PPP6C: variants seen among roughly 807,000 people sequenced by gnomAD.
The protein encoded by PPP6C is serine/threonine-protein phosphatase 6 catalytic subunit.
In PPP6C, 11 loss-of-function variants were observed where a neutral mutation model predicts 39.8. The ratio of observed to expected loss-of-function variants is 0.28; its 90% CI spans 0.17 to 0.46. PPP6C has a LOEUF of 0.46. PPP6C is among the 20% of genes least tolerant of loss of function. The probability of loss-of-function intolerance (pLI) is 1.00; values close to 1 mark genes in which losing one functional copy is unlikely to be tolerated. For synonymous variants in PPP6C, 129 were observed against 130.3 expected, an observed-to-expected ratio of 0.99 and a Z score of 0.07; for missense variants, 211 against 373.9, an observed-to-expected ratio of 0.56 and a Z score of 3.59.
chr9:125,170,532 C>T (rs910897100), intron 2 of PPP6C, among the ~76,000 whole-genome samples: 1 of 152,026 alleles, frequency 6.6e-6, no homozygotes, highest in South Asian at 2.1e-4. Flanking sequence ...CCACCACGCC[C>T]GGCACTGCTT....
chr9:125,165,281 C>T (rs1256291036), intron 2 of PPP6C, among the ~76,000 whole-genome samples: 3 of 151,954 alleles, frequency 2.0e-5, no homozygotes, highest in Non-Finnish European at 4.4e-5. Flanking sequence ...CACCTGTAAT[C>T]CCAGCTACTT....
intron 3 of PPP6C, among the ~76,000 whole-genome samples, chr9:125,158,850 A>G (rs1564148457): frequency 2.6e-5 from 4 of 151,478 alleles, no homozygotes; most frequent in African/African-American, 4.9e-5. Flanking sequence ...TTTTTTGTAG[A>G]GACGGGGGTT....
chr9:125,181,589 C>T (rs901728607), intron 1 of PPP6C, among the ~76,000 whole-genome samples: 2 of 152,008 alleles, frequency 1.3e-5, no homozygotes, highest in African/African-American at 4.8e-5. Flanking sequence ...TGCGGTGTTT[C>T]GTTTTCTGTT....
rs550930202 is a variant in PPP6C, at chr9:125,189,783, G to C, written c.-65C>G. The C allele has an allele frequency of 2.0e-6, 3 of 1,525,076 alleles. No homozygotes were observed. The highest frequency in any genetic ancestry group is 4.3e-5 in the Admixed American group (2 of 46,898). 94.5% of individuals were successfully genotyped at this position (1,525,076 alleles called of 1,614,324 possible). On this transcript the variant is annotated 5_prime_UTR_variant, in exon 1 of 7. Transcript: ENST00000373547. ...CTGTAGCAGCGGCGGCGGCAGCGGC[G>C]GAGGCCGAAGCCGGAACTTTCCCTG...
At chr9:125,163,386 T>G (rs1389836328) in intron 2 of PPP6C, among the ~76,000 whole-genome samples, 1 of 152,000 alleles carries the variant, frequency 6.6e-6, no homozygotes, top group East Asian at 1.9e-4. Context: ...GGTAGAAGAG[T>G]GAGTATCCTT....
chr9:125,177,035 T>G lies in PPP6C; in HGVS notation c.76-5855A>C, dbSNP rs529011552. On this transcript the variant is annotated intron_variant, in intron 1 of 6. Coordinates refer to ENST00000373547, the MANE Select transcript of PPP6C (RefSeq NM_002721.5). ...TTTTTTACCCCTGTAAATAGACTATTTTTTAGAGCAGTTTTAGCTTCACAG... is the reference window on the plus strand; with the variant it reads ...TTTTTTACCCCTGTAAATAGACTATGTTTTAGAGCAGTTTTAGCTTCACAG... Among the ~76,000 whole-genome samples the G allele has an allele frequency of 1.2e-4, 18 of 152,298 alleles. 1 individual carries two copies. In the South Asian group the frequency reaches 3.3e-3, roughly 28 times the overall value.
intron 5 of PPP6C, 42 bp downstream of exon 5, chr9:125,153,864 A>G (rs1485810085): frequency 6.5e-7 from 1 of 1,543,824 alleles, no homozygotes; most frequent in East Asian, 2.2e-5. Flanking sequence ...GCAATGTGTT[A>G]TTGGCAGGAA....
intron 1 of PPP6C, among the ~76,000 whole-genome samples, chr9:125,173,534 C>G (rs1418923027): frequency 6.6e-6 from 1 of 151,580 alleles, no homozygotes; most frequent in Admixed American, 6.6e-5. Context: ...ACCGAGGTCG[C>G]GCCACTGCAC....
intron 2 of PPP6C, among the ~76,000 whole-genome samples, chr9:125,165,295 A>G (rs1392294474): frequency 6.6e-6 from 1 of 152,076 alleles, no homozygotes; most frequent in Non-Finnish European, 1.5e-5. Context: ...GCTACTTGGG[A>G]GGCTGAGGCA....
chr9:125,151,440 T>C, intron 6 of PPP6C: 1 of 822,078 alleles, frequency 1.2e-6, no homozygotes, highest in Non-Finnish European at 2.2e-6. Context: ...TTTAAAGCAG[T>C]AGTAGTCACC....
chr9:125,157,061 T>C (rs1013370086), intron 4 of PPP6C, among the ~76,000 whole-genome samples: 37 of 152,126 alleles, frequency 2.4e-4, no homozygotes, highest in African/African-American at 8.9e-4. Flanking sequence ...ACATGTGTCA[T>C]GTTGGTGTGC....
rs1490010902 is a variant in PPP6C, at chr9:125,147,430, C to T, written c.*2243G>A. ...TCTATATAGTACATATAGTACATAG[C>T]CCTTATTTATTGGAGGGATCCAAAA... On this transcript the variant is annotated 3_prime_UTR_variant, in exon 7 of 7. Transcript: ENST00000373547. 6.6e-6 allele frequency: 1 copy of T among 152,164 alleles called. No individual in the cohort carries two copies. The highest frequency in any genetic ancestry group is 1.5e-5 in the Non-Finnish European group (1 of 68,024). 9.4% of individuals were successfully genotyped at this position (152,164 alleles called of 1,614,324 possible).
rs758123351 is a variant in PPP6C, at chr9:125,167,379, CAA to C, written c.171+3704_171+3705del. ...TTGGGTGACAGAGCGAGACCCTGTCCAAAAAAAAAAAAAAAAAAAAGAAATAA... is the reference window on the plus strand; with the variant it reads ...TTGGGTGACAGAGCGAGACCCTGTCCAAAAAAAAAAAAAAAAAAGAAATAA... On this transcript the variant is annotated intron_variant, in intron 2 of 6. Coordinates refer to ENST00000373547, the MANE Select transcript of PPP6C (RefSeq NM_002721.5). Among the ~76,000 whole-genome samples, 10 of 56,084 alleles carry C rather than the reference CAA, an allele frequency of 1.8e-4. 1 individual carries two copies. The highest frequency in any genetic ancestry group is 5.3e-4 in the African/African-American group (7 of 13,096). The allele number at this position is 56,084 out of a possible 152,430, so 36.8% of individuals were successfully genotyped here.
In PPP6C at chr9:125,189,769, G is replaced by A. The variant is rs775731533; in HGVS notation, c.-51C>T. On this transcript the variant is annotated 5_prime_UTR_variant, in exon 1 of 7. Transcript: ENST00000373547. ...AGCGGCGGCGGCGGCTGTAGCAGCG[G>A]CGGCGGCAGCGGCGGAGGCCGAAGC... The A allele has an allele frequency of 2.9e-5, 44 of 1,536,016 alleles. No homozygotes were observed. In the Middle Eastern group the frequency reaches 7.4e-4, roughly 26 times the overall value.
Position 125,163,870 on chromosome 9 carries a change from G to A in PPP6C, c.172-2964C>T, listed in dbSNP as rs1158824789. ...ATTCTTTTTTTTTTTTTTTTGAGAC[G>A]GAGTTTCGTTCTTGTTGTCCAGGCT... On this transcript the variant is annotated intron_variant, in intron 2 of 6. Transcript: ENST00000373547. 9.6e-5 allele frequency among the ~76,000 whole-genome samples: 14 copies of A among 145,732 alleles called. No homozygotes were observed. In the East Asian group the frequency reaches 1.0e-3, roughly 11 times the overall value.
chr9:125,174,374 C>A (rs1829249713), intron 1 of PPP6C, among the ~76,000 whole-genome samples: 1 of 150,164 alleles, frequency 6.7e-6, no homozygotes, highest in Admixed American at 6.6e-5. Flanking sequence ...TGTTAATTTC[C>A]TAAACATTAT....
At chr9:125,164,117 A>G (rs1828957396) in intron 2 of PPP6C, among the ~76,000 whole-genome samples, 1 of 151,438 alleles carries the variant, frequency 6.6e-6, no homozygotes, top group African/African-American at 2.4e-5. Flanking sequence ...GATTACAGGC[A>G]TGAGCCACAG....
chr9:125,188,101 C>G (rs137915304), intron 1 of PPP6C, among the ~76,000 whole-genome samples: 2 of 150,840 alleles, frequency 1.3e-5, no homozygotes, highest in East Asian at 3.9e-4. Context: ...TACACTGAGT[C>G]GGGGCTGGGC....
At chr9:125,151,370 G>A in intron 6 of PPP6C, 2 of 1,151,892 alleles carry the variant, frequency 1.7e-6, no homozygotes, top group Non-Finnish European at 2.6e-6. Context: ...CAAAGTTTAT[G>A]CTATCTTGAC....
Sources: allele counts gnomAD v4.1 joint callset (sites outside exome capture counted in the v4.1 genomes callset), GRCh38; gene constraint gnomAD v4.1.1; transcripts MANE v1.5; gene names NCBI Gene and HGNC (gene_info 2026-07-23, HGNC 2026-07-21).